The following CCDC150 variants were observed in gnomAD, a reference collection of about 807,000 sequenced individuals.
The protein encoded by CCDC150 is coiled-coil domain-containing protein 150.
Under a neutral mutation model 156.5 loss-of-function variants are expected in CCDC150, and 151 were observed. That is an observed-to-expected ratio of 0.97 (90% CI 0.85 to 1.10). The LOEUF is 1.10. Ranked by LOEUF, CCDC150 falls within the 50% of genes least tolerant of loss-of-function variation. The probability of loss-of-function intolerance (pLI) is 0.00; values close to 1 mark genes in which losing one functional copy is unlikely to be tolerated. For missense variants in CCDC150, 1,312 were observed against 1,268.1 expected, an observed-to-expected ratio of 1.03 and a Z score of -0.53; for synonymous variants, 452 against 429.4, an observed-to-expected ratio of 1.05 and a Z score of -0.65.
intron 17 of CCDC150, chr2:196,713,306 A>G: frequency 7.0e-7 from 1 of 1,426,130 alleles, no homozygotes. Flanking sequence ...CTATTCCTTG[A>G]AAAATAACTC....
chr2:196,721,769 C>A, intron 21 of CCDC150, 78 bp downstream of exon 21: 2 of 1,177,464 alleles, frequency 1.7e-6, no homozygotes, highest in Non-Finnish European at 1.2e-6. Flanking sequence ...ATGGCTCATT[C>A]GCATAAATCA....
At position 196,657,059 on chromosome 2, in the gene CCDC150, G is replaced by C; in HGVS notation, c.499G>C (p.Val167Leu). 1.2e-6 allele frequency: 2 copies of C among 1,613,838 alleles called. No homozygotes were observed. The highest frequency in any genetic ancestry group is 1.7e-6 in the Non-Finnish European group (2 of 1,179,772). ...VMNLRQQLRA[V>L]KEEEDKAQDE... ...GAATTTGCGCCAGCAACTGAGAGCTGTAAAAGAGGAAGAAGACAAGGCACA... is the reference window on the plus strand; with the variant it reads ...GAATTTGCGCCAGCAACTGAGAGCTCTAAAAGAGGAAGAAGACAAGGCACA... Residue 167 changes from valine (V) to leucine (L), a missense_variant, in exon 4 of 28, where the codon GTA (valine) becomes CTA (leucine). Physicochemically the swap from Val to Leu is conservative, Grantham distance 32. Coordinates refer to ENST00000389175, the MANE Select transcript of CCDC150 (RefSeq NM_001080539.2).
intron 6 of CCDC150, 132 bp from the exon 7 acceptor site, chr2:196,666,587 T>C (rs1339982603): frequency 5.2e-6 from 4 of 765,060 alleles, no homozygotes; most frequent in African/African-American, 3.5e-5. Flanking sequence ...AGATTTTAAC[T>C]GTAACATAGA....
At chr2:196,651,435 A>C (rs940898038) in intron 2 of CCDC150, among the ~76,000 whole-genome samples, 6 of 152,090 alleles carry the variant, frequency 3.9e-5, no homozygotes, top group Non-Finnish European at 7.4e-5. Flanking sequence ...AGCTTGAAGA[A>C]CTTTCTTTAG....
At chr2:196,723,264 A>T (rs960576731) in intron 21 of CCDC150, among the ~76,000 whole-genome samples, 3 of 152,240 alleles carry the variant, frequency 2.0e-5, no homozygotes, top group Admixed American at 6.5e-5. Flanking sequence ...GTACTTTGGG[A>T]GGCCAAGGTG....
intron 13 of CCDC150, among the ~76,000 whole-genome samples, chr2:196,692,703 C>T (rs952928184): frequency 2.0e-5 from 3 of 152,124 alleles, no homozygotes; most frequent in Non-Finnish European, 2.9e-5. Flanking sequence ...TTATAATTTC[C>T]GTTCTTTCAC....
At chr2:196,683,863 C>T (rs553180325) in intron 13 of CCDC150, among the ~76,000 whole-genome samples, 1 of 152,014 alleles carries the variant, frequency 6.6e-6, no homozygotes, top group Admixed American at 6.5e-5. Context: ...CTCTCTCTGA[C>T]TGCTAATTTT....
At chr2:196,649,644 A>G (rs925150873) in intron 2 of CCDC150, among the ~76,000 whole-genome samples, 1 of 152,110 alleles carries the variant, frequency 6.6e-6, no homozygotes, top group African/African-American at 2.4e-5. Flanking sequence ...TCATTACATA[A>G]CTCATTACTG....
intron 15 of CCDC150, among the ~76,000 whole-genome samples, chr2:196,704,046 A>G (rs1345273147): frequency 3.3e-5 from 5 of 152,254 alleles, no homozygotes; most frequent in Non-Finnish European, 7.3e-5. Flanking sequence ...AACTCTTACA[A>G]GACAATTTAA....
At chr2:196,642,205 C>G (rs1384517219) in intron 1 of CCDC150, among the ~76,000 whole-genome samples, 1 of 152,178 alleles carries the variant, frequency 6.6e-6, no homozygotes, top group East Asian at 1.9e-4. Context: ...TTTTCAAACA[C>G]AACAAAGCAC....
chr2:196,673,791 A>G (rs951021976), intron 9 of CCDC150, among the ~76,000 whole-genome samples: 5 of 152,180 alleles, frequency 3.3e-5, no homozygotes, highest in African/African-American at 4.8e-5. Context: ...TAATCTCGTG[A>G]TGGTAAAATC....
chr2:196,670,905 TAAAG>T (rs969612693), intron 8 of CCDC150, among the ~76,000 whole-genome samples: 4 of 152,176 alleles, frequency 2.6e-5, no homozygotes, highest in African/African-American at 9.6e-5. Flanking sequence ...GAACAGAAGA[TAAAG>T]AGATTTCCCA....
chr2:196,663,539 T>C (rs1168590417), intron 5 of CCDC150, among the ~76,000 whole-genome samples: 2 of 152,100 alleles, frequency 1.3e-5, no homozygotes, highest in African/African-American at 4.8e-5. Flanking sequence ...AAGAATCTTA[T>C]AGGAATTTAT....
At chr2:196,639,879 C>G (rs1309167589) in intron 1 of CCDC150, 101 bp downstream of exon 1, 3 of 1,052,728 alleles carry the variant, frequency 2.8e-6, no homozygotes. Flanking sequence ...CTCTCCCTGT[C>G]CTGACGGAGT....
At chr2:196,641,273 A>C (rs1466723425) in intron 1 of CCDC150, among the ~76,000 whole-genome samples, 1 of 152,026 alleles carries the variant, frequency 6.6e-6, no homozygotes, top group East Asian at 1.9e-4. Flanking sequence ...CACCGCGCCC[A>C]GCCGTATTCT....
At chr2:196,659,729 A>T (rs1693439419) in intron 5 of CCDC150, among the ~76,000 whole-genome samples, 1 of 152,182 alleles carries the variant, frequency 6.6e-6, no homozygotes. Flanking sequence ...GAAAACACAG[A>T]GTCCTGTATA....
At chr2:196,727,485 T>G (rs1018989882) in intron 22 of CCDC150, 1 of 152,190 alleles carries the variant, frequency 6.6e-6, no homozygotes, top group Admixed American at 6.5e-5. Context: ...AAATAATTCC[T>G]TGGTTGGCAT....
chr2:196,701,119 A>G lies in CCDC150; in HGVS notation c.1634A>G (p.Gln545Arg). The G allele has an allele frequency of 6.2e-7, 1 of 1,608,698 alleles. No homozygotes were observed. The highest frequency in any genetic ancestry group is 8.5e-7 in the Non-Finnish European group (1 of 1,177,596). The part of the protein sequence containing the change: ...VTSDYHGLAQ[Q>R]KVEKITESKN... ...TGTTTGCCTTATCAGCTTGCCCAACAGAAGGTGGAAAAAATCACTGAAAGT... is the reference window on the plus strand; with the variant it reads ...TGTTTGCCTTATCAGCTTGCCCAACGGAAGGTGGAAAAAATCACTGAAAGT... Residue 545 changes from glutamine to arginine, a missense_variant, in exon 15 of 28, where the codon CAG (glutamine) becomes CGG (arginine). Coordinates refer to ENST00000389175, the MANE Select transcript of CCDC150 (RefSeq NM_001080539.2).
intron 15 of CCDC150, among the ~76,000 whole-genome samples, chr2:196,703,259 G>C (rs1696360956): frequency 6.6e-6 from 1 of 152,186 alleles, no homozygotes; most frequent in Non-Finnish European, 1.5e-5. Flanking sequence ...AGGGTTAGCA[G>C]ACAGGATAGG....
Sources: allele counts gnomAD v4.1 joint callset (sites outside exome capture counted in the v4.1 genomes callset), GRCh38; gene constraint gnomAD v4.1.1; transcripts MANE v1.5; gene names NCBI Gene and HGNC (gene_info 2026-07-23, HGNC 2026-07-21).